Variants in TMEM108 observed in about 807,000 individuals in gnomAD.
The protein encoded by TMEM108 is transmembrane protein 108, also known as cancer/testis antigen 124.
In TMEM108, 12 loss-of-function variants were observed where a neutral mutation model predicts 35.1. The ratio of observed to expected loss-of-function variants is 0.34; its 90% CI spans 0.22 to 0.55. TMEM108 has a LOEUF of 0.55. TMEM108 is among the 20% of genes least tolerant of loss of function. The pLI, the probability that TMEM108 is intolerant of heterozygous loss-of-function variation, is 0.89. For missense variants in TMEM108, 680 were observed against 753.3 expected (o/e 0.90, Z 1.14); for synonymous variants, 287 against 308.6 (o/e 0.93, Z 0.73).
chr3:133,380,668 C>T lies in TMEM108; in HGVS notation c.957C>T (p.Arg319=), dbSNP rs150136687. ...AAGCTGCCCCAGTGCCTTCTCAGCG[C>T]CCCCACCACGGTGACCCACAGGATG... is the stretch of plus-strand genomic sequence containing the variant. ...SPQAAPVPSQ[R]PHHGDPQDGP... Residue 319 remains arginine (R), a synonymous_variant, in exon 4 of 6, where the codon CGC becomes CGT. Transcript: ENST00000321871. This position sits in a 1 kb window ranked among gnomAD's most constrained non-coding sequence, Gnocchi z 5.3. 126 of 1,614,098 alleles carry T rather than the reference C, an allele frequency of 7.8e-5. 2 individuals carry two copies. The African/African-American group carries it at 1.5e-3, about 20-fold the overall frequency.
intron 1 of TMEM108, among the ~76,000 whole-genome samples, chr3:133,040,199 TTTGTTTG>T (rs1178273047): frequency 2.4e-5 from 3 of 124,132 alleles, no homozygotes; most frequent in South Asian, 5.2e-4. Flanking sequence ...TTTTTGTTTG[TTTGTTTG>T]TTTTTTTTTT....
intron 1 of TMEM108, among the ~76,000 whole-genome samples, chr3:133,043,652 G>T (rs544681901): frequency 6.6e-6 from 1 of 151,920 alleles, no homozygotes; most frequent in African/African-American, 2.4e-5. Flanking sequence ...CAGATGTTCA[G>T]TTCCCTTCTA....
At chr3:133,130,766 C>T (rs945073364) in intron 2 of TMEM108, among the ~76,000 whole-genome samples, 9 of 152,156 alleles carry the variant, frequency 5.9e-5, no homozygotes, top group Non-Finnish European at 1.5e-5. Flanking sequence ...CACAGATAAA[C>T]GAGATTGCAG....
At chr3:133,076,991 G>A (rs1943749843) in intron 2 of TMEM108, among the ~76,000 whole-genome samples, 1 of 152,242 alleles carries the variant, frequency 6.6e-6, no homozygotes, top group Non-Finnish European at 1.5e-5. Context: ...GGAGGGCTGG[G>A]GCACTGCCTC....
chr3:133,124,907 T>C (rs1019548191), intron 2 of TMEM108: 3 of 152,158 alleles, frequency 2.0e-5, no homozygotes, highest in Admixed American at 2.0e-4. Flanking sequence ...AGGCAAGCCA[T>C]GCAGAGGCAG....
chr3:133,345,280 A>G (rs918475750), intron 3 of TMEM108, among the ~76,000 whole-genome samples: 36 of 151,924 alleles, frequency 2.4e-4, no homozygotes, highest in African/African-American at 8.2e-4. Context: ...ATAGATTGCC[A>G]TTAATATAGA....
chr3:133,174,176 C>T (rs113510035), intron 2 of TMEM108, among the ~76,000 whole-genome samples: 10,493 of 152,278 alleles, frequency 0.069, 396 homozygotes, highest in Non-Finnish European at 0.091. Flanking sequence ...TCAAAGCAGC[C>T]GGGAAGCTCA....
At chr3:133,311,470 A>G (rs2071127765) in intron 3 of TMEM108, among the ~76,000 whole-genome samples, 1 of 152,118 alleles carries the variant, frequency 6.6e-6, no homozygotes, top group Non-Finnish European at 1.5e-5. Flanking sequence ...TTGATCCTCC[A>G]TCACTGATAC....
chr3:133,367,425 G>A (rs2072532356), intron 3 of TMEM108, among the ~76,000 whole-genome samples: 1 of 152,262 alleles, frequency 6.6e-6, no homozygotes, highest in Non-Finnish European at 1.5e-5. Flanking sequence ...GGAGGGCTGA[G>A]TTTCAGAATT....
intron 3 of TMEM108, among the ~76,000 whole-genome samples, chr3:133,268,043 A>G (rs1576422999): frequency 6.6e-6 from 1 of 152,320 alleles, no homozygotes; most frequent in Non-Finnish European, 1.5e-5. Flanking sequence ...CAAGCTTATG[A>G]TCTGGAATGG....
intron 2 of TMEM108, among the ~76,000 whole-genome samples, chr3:133,108,081 G>A (rs1171915255): frequency 6.6e-6 from 1 of 151,986 alleles, no homozygotes; most frequent in Non-Finnish European, 1.5e-5. Context: ...AAATACAAAA[G>A]TTAGCCAGGC....
At chr3:133,183,751 A>G (rs1487049647) in intron 2 of TMEM108, among the ~76,000 whole-genome samples, 1 of 152,214 alleles carries the variant, frequency 6.6e-6, no homozygotes, top group African/African-American at 2.4e-5. Context: ...CTTCAAGCCC[A>G]GGTGAAGCAG....
In TMEM108 at chr3:133,293,766, G is replaced by GT. The variant is rs546898954; in HGVS notation, c.40+64424dup. 1.8e-3 allele frequency among the ~76,000 whole-genome samples: 278 copies of GT among 151,298 alleles called. 3 individuals are homozygous for GT. The South Asian group carries it at 0.022, about 12-fold the overall frequency. Reference sequence around the variant, plus strand: ...ACATGCCTACATCTTGTGTGTGAGGGTTTTTTTTTAACATATTGAAGATTC... The same window carrying GT: ...ACATGCCTACATCTTGTGTGTGAGGGTTTTTTTTTTAACATATTGAAGATTC... On this transcript the variant is annotated intron_variant, in intron 3 of 5. Coordinates refer to ENST00000321871, the MANE Select transcript of TMEM108 (RefSeq NM_023943.4).
chr3:133,386,800 G>A, intron 4 of TMEM108: 2 of 827,718 alleles, frequency 2.4e-6, no homozygotes, highest in Non-Finnish European at 3.0e-6. Flanking sequence ...ATACAGGATA[G>A]TGGATATCAA....
intron 3 of TMEM108, among the ~76,000 whole-genome samples, chr3:133,313,679 G>A (rs1010597976): frequency 1.3e-5 from 2 of 152,090 alleles, no homozygotes; most frequent in African/African-American, 2.4e-5. Flanking sequence ...CTTCATTGAT[G>A]TTAATTTTCA....
chr3:133,200,692 A>G (rs1945649810), intron 2 of TMEM108, among the ~76,000 whole-genome samples: 1 of 152,220 alleles, frequency 6.6e-6, no homozygotes, highest in Non-Finnish European at 1.5e-5. Flanking sequence ...GAAATTGTAT[A>G]TAATGGTTTT....
intron 3 of TMEM108, among the ~76,000 whole-genome samples, chr3:133,305,377 G>T (rs1341973327): frequency 8.3e-6 from 1 of 120,010 alleles, no homozygotes; most frequent in African/African-American, 3.1e-5. Context: ...GGTGGGGGGA[G>T]GGGGGAGGGA....
At chr3:133,316,792 G>A (rs1382393915) in intron 3 of TMEM108, among the ~76,000 whole-genome samples, 1 of 152,198 alleles carries the variant, frequency 6.6e-6, no homozygotes, top group African/African-American at 2.4e-5. Flanking sequence ...AGTTTGTAGT[G>A]GGCAAGACCT....
intron 2 of TMEM108, among the ~76,000 whole-genome samples, chr3:133,123,172 C>T (rs939306299): frequency 6.6e-6 from 1 of 152,116 alleles, no homozygotes; most frequent in South Asian, 2.1e-4. Flanking sequence ...ATGTATAAAT[C>T]CATTTCATTT....
Sources: allele counts gnomAD v4.1 joint callset (sites outside exome capture counted in the v4.1 genomes callset), GRCh38; gene constraint gnomAD v4.1.1; non-coding constraint Gnocchi (gnomAD v3.1); transcripts MANE v1.5; gene names NCBI Gene and HGNC (gene_info 2026-07-23, HGNC 2026-07-21).